The following FOXP1 variants were observed in gnomAD, a reference collection of about 807,000 sequenced individuals.
FOXP1 encodes the protein forkhead box protein P1.
FOXP1 carries 15 observed loss-of-function variants against 98.2 expected under a neutral mutation model. The observed-to-expected ratio is 0.15, with a 90% CI of 0.10 to 0.24. FOXP1 has a LOEUF of 0.24. Among genes scored for constraint, FOXP1 ranks in the 10% least tolerant of loss-of-function variants. FOXP1 has a pLI of 1.00. For missense variants in FOXP1, 633 were observed against 848.5 expected (o/e 0.75, Z 3.15); for synonymous variants, 371 against 314.5 (o/e 1.18, Z -1.90).
chr3:71,238,766 G>A (rs917206204), intron 5 of FOXP1, among the ~76,000 whole-genome samples: 2 of 152,198 alleles, frequency 1.3e-5, no homozygotes, highest in South Asian at 2.1e-4. Flanking sequence ...TCCCATCTAG[G>A]ATTGCTCCTG....
intron 6 of FOXP1, among the ~76,000 whole-genome samples, chr3:71,118,896 G>A (rs1262591750): frequency 1.3e-5 from 2 of 152,176 alleles, no homozygotes; most frequent in Admixed American, 6.5e-5. Context: ...ACGGAGTCAA[G>A]GACTTTTGAC....
intron 3 of FOXP1, among the ~76,000 whole-genome samples, chr3:71,474,151 T>C (rs935395536): frequency 6.6e-6 from 1 of 152,098 alleles, no homozygotes; most frequent in Non-Finnish European, 1.5e-5. Context: ...CACTTAGATG[T>C]TTTATTGTTT....
intron 3 of FOXP1, among the ~76,000 whole-genome samples, chr3:71,381,921 G>A (rs1194595237): frequency 6.6e-6 from 1 of 152,158 alleles, no homozygotes; most frequent in African/African-American, 2.4e-5. Flanking sequence ...CAAAAGCCAA[G>A]GAAATTGACA....
At chr3:71,386,312 G>A (rs1434572837) in intron 3 of FOXP1, among the ~76,000 whole-genome samples, 2 of 152,182 alleles carry the variant, frequency 1.3e-5, no homozygotes, top group Non-Finnish European at 2.9e-5. Context: ...TGGCAATAGA[G>A]TCAGTCCTCA....
chr3:70,978,702 G>A (rs1428716903), intron 14 of FOXP1, among the ~76,000 whole-genome samples: 1 of 151,990 alleles, frequency 6.6e-6, no homozygotes, highest in African/African-American at 2.4e-5. Flanking sequence ...AACACAATGG[G>A]CCTGACCCCA....
chr3:71,315,177 C>A (rs1003087243), intron 4 of FOXP1, among the ~76,000 whole-genome samples: 1 of 151,724 alleles, frequency 6.6e-6, no homozygotes, highest in Non-Finnish European at 1.5e-5. Context: ...TATGAACCAG[C>A]CTTTTATTTA....
chr3:71,415,281 G>A (rs1366851847), intron 3 of FOXP1, among the ~76,000 whole-genome samples: 1 of 152,078 alleles, frequency 6.6e-6, no homozygotes, highest in Non-Finnish European at 1.5e-5. Context: ...ACTGAGAAAT[G>A]AGGATCCCAG....
chr3:71,568,674 T>C (rs1272548725), intron 2 of FOXP1, among the ~76,000 whole-genome samples: 1 of 151,718 alleles, frequency 6.6e-6, no homozygotes, highest in African/African-American at 2.4e-5. Flanking sequence ...TCTGAGACAG[T>C]CTCACTCTGT....
At chr3:71,426,805 G>A (rs919798546) in intron 3 of FOXP1, among the ~76,000 whole-genome samples, 3 of 152,158 alleles carry the variant, frequency 2.0e-5, no homozygotes, top group Non-Finnish European at 2.9e-5. Context: ...GCTCACGCCT[G>A]TAATCCCAGC....
chr3:71,472,977 A>G (rs983243268), intron 3 of FOXP1, among the ~76,000 whole-genome samples: 3 of 152,234 alleles, frequency 2.0e-5, no homozygotes, highest in Non-Finnish European at 4.4e-5. Flanking sequence ...ACCAAGGCTC[A>G]GTATGGCAAA....
rs115081962 is a variant in FOXP1, at chr3:71,075,497, G to A, written c.283-21724C>T. On this transcript the variant is annotated intron_variant, in intron 7 of 20. Transcript: ENST00000649528. ...TCACTCCAAAATTTAACTCAGCAGC[G>A]GCAGATCCTTCAGCCAAACAATGGA... Among the ~76,000 whole-genome samples the A allele has an allele frequency of 4.8e-3, 728 of 152,192 alleles. 5 individuals are homozygous for A. Among genetic ancestry groups the A allele is most frequent in the Non-Finnish European group, 8.2e-3 (557 of 68,018 alleles).
chr3:71,437,443 C>G (rs1020227454), intron 3 of FOXP1, among the ~76,000 whole-genome samples: 1 of 152,050 alleles, frequency 6.6e-6, no homozygotes, highest in East Asian at 1.9e-4. Context: ...AAACAGAAAA[C>G]AAATCATGAA....
At chr3:71,130,788 T>A (rs1300487700) in intron 6 of FOXP1, 1 of 1,437,282 alleles carries the variant, frequency 7.0e-7, no homozygotes, top group Non-Finnish European at 9.1e-7. Context: ...ATTCTTCACT[T>A]TCAAAGTTGA....
At chr3:71,065,972 C>G (rs1412482264) in intron 7 of FOXP1, among the ~76,000 whole-genome samples, 1 of 151,608 alleles carries the variant, frequency 6.6e-6, no homozygotes, top group Admixed American at 6.6e-5. Flanking sequence ...AGAAAAACTT[C>G]CTGGCCTGTA....
At chr3:71,202,521 T>C (rs182410362) in intron 5 of FOXP1, among the ~76,000 whole-genome samples, 90 of 152,352 alleles carry the variant, frequency 5.9e-4, no homozygotes, top group African/African-American at 1.9e-3. Context: ...TCTGATGTGC[T>C]TTTCAAACTT....
chr3:71,236,435 C>G (rs1299610508), intron 5 of FOXP1, among the ~76,000 whole-genome samples: 2 of 152,180 alleles, frequency 1.3e-5, no homozygotes, highest in Non-Finnish European at 1.5e-5. Context: ...CTACCACCCT[C>G]CAGCACCCAC....
chr3:71,275,253 C>G (rs997237524), intron 5 of FOXP1, among the ~76,000 whole-genome samples: 1 of 152,148 alleles, frequency 6.6e-6, no homozygotes, highest in African/African-American at 2.4e-5. Flanking sequence ...GTAGTGATGT[C>G]CCTGGGTGTC....
chr3:71,417,078 A>G (rs1191385846), intron 3 of FOXP1, among the ~76,000 whole-genome samples: 1 of 152,214 alleles, frequency 6.6e-6, no homozygotes, highest in African/African-American at 2.4e-5. Context: ...GGTATATGCA[A>G]AAAACTAGAG....
chr3:71,411,302 T>TGC (rs2082716850), intron 3 of FOXP1, among the ~76,000 whole-genome samples: 1 of 150,124 alleles, frequency 6.7e-6, no homozygotes, highest in Non-Finnish European at 1.5e-5. Context: ...TGTGTGTGTG[T>TGC]GTGTGTGTGT....
Sources: gnomAD v4.1 joint callset for allele counts (sites outside exome capture counted in the v4.1 genomes callset) on GRCh38, gnomAD v4.1.1 for gene constraint, MANE v1.5 for transcripts, NCBI Gene and HGNC (gene_info 2026-07-23, HGNC 2026-07-21) for gene names.